Variants in ZNF487 observed in about 807,000 individuals in gnomAD.
The protein encoded by ZNF487 is KRAB domain only 1.
ZNF487 carries 4 observed loss-of-function variants against 3.0 expected under a neutral mutation model. The ratio of observed to expected loss-of-function variants is 1.35; its 90% CI spans 0.66 to 3.08. The LOEUF (loss-of-function observed/expected upper bound fraction) is 3.08, where lower values mean the gene tolerates loss of function less well. Among genes scored for constraint, ZNF487 ranks in the 30% most tolerant of loss-of-function variants. ZNF487 has a pLI of 0.01. For missense variants in ZNF487, 146 were observed against 98.7 expected (o/e 1.48, Z -2.03); for synonymous variants, 55 against 34.6 (o/e 1.59, Z -2.06).
chr10:43,455,759 C>T (rs747284697), intron 1 of ZNF487, among the ~76,000 whole-genome samples: 1 of 152,240 alleles, frequency 6.6e-6, no homozygotes, highest in Non-Finnish European at 1.5e-5. Flanking sequence ...GGCGGGGCCG[C>T]GGCCTTGGCC....
chr10:43,473,635 C>G (rs1180560194), intron 1 of ZNF487, among the ~76,000 whole-genome samples: 1 of 152,206 alleles, frequency 6.6e-6, no homozygotes, highest in South Asian at 2.1e-4. Flanking sequence ...TCTCCTGCCT[C>G]AGCCTCCTGA....
chr10:43,467,630 A>G (rs1438049754), intron 1 of ZNF487, among the ~76,000 whole-genome samples: 1 of 151,844 alleles, frequency 6.6e-6, no homozygotes, highest in African/African-American at 2.4e-5. Flanking sequence ...CAGCCTGGCA[A>G]ACATGGTGAA....
chr10:43,446,581 C>T (rs1224895608), intron 1 of ZNF487, among the ~76,000 whole-genome samples: 1 of 151,538 alleles, frequency 6.6e-6, no homozygotes, highest in East Asian at 1.9e-4. Flanking sequence ...AGAGGCGCTC[C>T]TCACATCCCA....
At chr10:43,480,426 T>A (rs1460879569) in intron 3 of ZNF487, among the ~76,000 whole-genome samples, 1 of 151,562 alleles carries the variant, frequency 6.6e-6, no homozygotes, top group African/African-American at 2.4e-5. Context: ...ATTATTTTTT[T>A]ATTTTTTGAA....
At chr10:43,507,017 A>G in the ZNF487 span, among the ~76,000 whole-genome samples, 1 of 152,136 alleles carries the variant, frequency 6.6e-6, no homozygotes, top group Non-Finnish European at 1.5e-5. Flanking sequence ...TTTGGCCTTC[A>G]TTGTTTTCAC....
At chr10:43,463,864 A>C (rs2132099934) in intron 1 of ZNF487, among the ~76,000 whole-genome samples, 1 of 152,096 alleles carries the variant, frequency 6.6e-6, no homozygotes, top group African/African-American at 2.4e-5. Flanking sequence ...TTGACCGTAT[A>C]TAAGATGGTT....
intron 1 of ZNF487, among the ~76,000 whole-genome samples, chr10:43,448,165 A>AT (rs1198141129): frequency 1.3e-5 from 2 of 150,652 alleles, no homozygotes; most frequent in Non-Finnish European, 3.0e-5. Flanking sequence ...AATTTTTTGT[A>AT]TTTTTTGTAG....
chr10:43,469,758 G>A (rs1840838113), intron 1 of ZNF487, among the ~76,000 whole-genome samples: 1 of 151,942 alleles, frequency 6.6e-6, no homozygotes, highest in Admixed American at 6.6e-5. Flanking sequence ...AGACCAGCCC[G>A]GCCAACATGG....
At chr10:43,466,407 T>TTTC (rs1840708496) in intron 1 of ZNF487, among the ~76,000 whole-genome samples, 1 of 118,906 alleles carries the variant, frequency 8.4e-6, no homozygotes, top group South Asian at 2.4e-4. Context: ...TCTTTCTTTC[T>TTTC]TTTTTTTTTT....
At chr10:43,513,950 G>A in the ZNF487 span, among the ~76,000 whole-genome samples, 9 of 152,268 alleles carry the variant, frequency 5.9e-5, no homozygotes, top group South Asian at 1.9e-3. Flanking sequence ...AGTTACCCTG[G>A]TAAAAGGTTG....
At chr10:43,472,098 T>C (rs1840928140) in intron 1 of ZNF487, among the ~76,000 whole-genome samples, 1 of 152,186 alleles carries the variant, frequency 6.6e-6, no homozygotes, top group Non-Finnish European at 1.5e-5. Flanking sequence ...ACTTGTACTT[T>C]GTCTGGCTGA....
chr10:43,512,833 G>A, the ZNF487 span, among the ~76,000 whole-genome samples: 14 of 150,408 alleles, frequency 9.3e-5, no homozygotes, highest in East Asian at 2.6e-3. Flanking sequence ...GGAATGCTTT[G>A]CCTCCAAAAT....
In ZNF487 at chr10:43,479,169, G is replaced by T. The variant is rs538916377; in HGVS notation, c.131-2260G>T. On this transcript the variant is annotated intron_variant, in intron 3 of 3. Transcript: ENST00000437590. ...TGTACTGATGAGGTCTTGCTGTGTTGCTCAGACTGGTCTTGAACTCCTGAC... is the reference window on the plus strand; with the variant it reads ...TGTACTGATGAGGTCTTGCTGTGTTTCTCAGACTGGTCTTGAACTCCTGAC... Among the ~76,000 whole-genome samples the T allele has an allele frequency of 5.4e-5, 8 of 149,116 alleles. No individual in the cohort carries two copies. In the South Asian group the frequency reaches 1.7e-3, roughly 31 times the overall value.
the ZNF487 span, among the ~76,000 whole-genome samples, chr10:43,521,465 A>G: frequency 6.6e-6 from 1 of 152,168 alleles, no homozygotes; most frequent in Non-Finnish European, 1.5e-5. Context: ...CAAAACCCAC[A>G]AAACTGAAAA....
At chr10:43,502,096 C>A in the ZNF487 span, among the ~76,000 whole-genome samples, 1 of 152,052 alleles carries the variant, frequency 6.6e-6, no homozygotes, top group Non-Finnish European at 1.5e-5. Context: ...ATGTTTATTG[C>A]GGCACTATTC....
intron 1 of ZNF487, among the ~76,000 whole-genome samples, chr10:43,462,012 G>A (rs1019070596): frequency 5.3e-5 from 8 of 152,158 alleles, no homozygotes; most frequent in Non-Finnish European, 8.8e-5. Context: ...TATCTCCAAG[G>A]TTGGTCTGTA....
chr10:43,458,346 C>A (rs561637591), intron 1 of ZNF487, among the ~76,000 whole-genome samples: 2 of 152,268 alleles, frequency 1.3e-5, no homozygotes, highest in Admixed American at 1.3e-4. Flanking sequence ...AAAGGTGGGA[C>A]AACTTGAAGG....
the ZNF487 span, among the ~76,000 whole-genome samples, chr10:43,492,600 C>T: frequency 1.3e-5 from 2 of 151,984 alleles, no homozygotes; most frequent in African/African-American, 2.4e-5. Context: ...TACAAGCGCC[C>T]GCCACCACGC....
chr10:43,443,283 C>G (rs548153562), intron 1 of ZNF487, among the ~76,000 whole-genome samples: 1 of 151,664 alleles, frequency 6.6e-6, no homozygotes, highest in East Asian at 1.9e-4. Flanking sequence ...AGGCTGGTCT[C>G]GAACTCCTGA....
Sources: allele counts gnomAD v4.1 joint callset (sites outside exome capture counted in the v4.1 genomes callset), GRCh38; gene constraint gnomAD v4.1.1; transcripts MANE v1.5; gene names NCBI Gene and HGNC (gene_info 2026-07-23, HGNC 2026-07-21).